The following HSPA12A variants were observed in gnomAD, a reference collection of about 807,000 sequenced individuals.
HSPA12A encodes the protein heat shock 70 kDa protein 12A.
In HSPA12A, 28 loss-of-function variants were observed where a neutral mutation model predicts 69.2. The observed-to-expected ratio is 0.40, with a 90% CI of 0.30 to 0.55. The LOEUF (loss-of-function observed/expected upper bound fraction) is 0.55. Among genes scored for constraint, HSPA12A ranks in the 20% least tolerant of loss-of-function variants. HSPA12A has a pLI of 0.38. For missense variants in HSPA12A, 686 were observed against 900.7 expected (o/e 0.76, Z 3.05); for synonymous variants, 345 against 370.5 (o/e 0.93, Z 0.79).
At chr10:116,682,459 G>C (rs570460473) in intron 7 of HSPA12A, among the ~76,000 whole-genome samples, 34 of 151,888 alleles carry the variant, frequency 2.2e-4, no homozygotes, top group East Asian at 1.8e-3. Flanking sequence ...ATAGACTGGG[G>C]GGGGGGGCCA....
At chr10:116,736,488 G>A (rs1564802078) in intron 1 of HSPA12A, among the ~76,000 whole-genome samples, 1 of 152,178 alleles carries the variant, frequency 6.6e-6, no homozygotes, top group East Asian at 1.9e-4. Context: ...TATGGGAAAA[G>A]GGAGTCAGCA....
rs1193674525 is a variant in HSPA12A at position 116,707,208 on chromosome 10, G to C, written c.118C>G (p.His40Asp). ...DTGITPLSPS[H>D]IVNDTDSNVS... ...ACACACACACTTCTTACCACAATAT[G>C]GGAGGGGGACAGAGGCGTTATTCCT... The change falls in exon 2 of 12, where the codon CAT becomes GAT. Residue 40 changes from histidine (H) to aspartate (D), a missense_variant. Coordinates refer to ENST00000369209, the MANE Select transcript of HSPA12A (RefSeq NM_025015.3). 6.2e-7 allele frequency: 1 copy of C among 1,606,034 alleles called. No individual in the cohort carries two copies. The highest frequency in any genetic ancestry group is 8.5e-7 in the Non-Finnish European group (1 of 1,175,554).
Position 116,683,774 on chromosome 10 carries a change from A to G in HSPA12A, c.835+17T>C, listed in dbSNP as rs782561774. The G allele has an allele frequency of 1.3e-6, 2 of 1,509,072 alleles. No individual in the cohort carries two copies. The highest frequency in any genetic ancestry group is 2.3e-5 in the East Asian group (1 of 43,000). The allele number at this position is 1,509,072 out of a possible 1,614,324, so 93.5% of individuals were successfully genotyped here. ...GAAGGAAGGAGAGCAGGAGGGGGAG[A>G]GAGAGAGCAGAGGTACCCTGTGTAA... On this transcript the variant is annotated intron_variant, in intron 7 of 11. Transcript: ENST00000369209.
At chr10:116,761,949 C>T (rs1665673) in intron 2 of HSPA12A, among the ~76,000 whole-genome samples, 143,052 of 152,288 alleles carry the variant, frequency 0.94, 67,823 homozygotes, top group East Asian at 1. Context: ...AGGAAAGTTT[C>T]AATTTGCTTT....
At chr10:116,690,508 G>C (rs782436633) in intron 6 of HSPA12A, among the ~76,000 whole-genome samples, 1 of 152,162 alleles carries the variant, frequency 6.6e-6, no homozygotes, top group Non-Finnish European at 1.5e-5. Flanking sequence ...GATCAAAAAC[G>C]AAGCTGCAAA....
intron 2 of HSPA12A, among the ~76,000 whole-genome samples, chr10:116,783,501 A>G (rs1464577781): frequency 3.9e-5 from 6 of 152,198 alleles, no homozygotes; most frequent in Admixed American, 3.9e-4. Context: ...GCACACGGAC[A>G]AAGAGCTACA....
At chr10:116,758,626 G>A (rs1843901741) in intron 2 of HSPA12A, among the ~76,000 whole-genome samples, 2 of 152,144 alleles carry the variant, frequency 1.3e-5, no homozygotes, top group African/African-American at 4.8e-5. Context: ...TTGTGTTTGT[G>A]TGCATGTGTA....
chr10:116,679,132 C>T (rs1330763546), intron 10 of HSPA12A, among the ~76,000 whole-genome samples: 1 of 152,208 alleles, frequency 6.6e-6, no homozygotes, highest in African/African-American at 2.4e-5. Flanking sequence ...TTATTGAGCA[C>T]CTACTGCATA....
chr10:116,786,140 G>A (rs1166370766), intron 2 of HSPA12A, among the ~76,000 whole-genome samples: 1 of 152,222 alleles, frequency 6.6e-6, no homozygotes, highest in African/African-American at 2.4e-5. Context: ...GATGGAGCGG[G>A]TTCTGCAGAA....
At chr10:116,831,212 T>G (rs1845607207) in intron 2 of HSPA12A, 1 of 152,198 alleles carries the variant, frequency 6.6e-6, no homozygotes, top group Admixed American at 6.5e-5. Context: ...TTACCACTAT[T>G]GTTGTCATTG....
At chr10:116,850,591 CAGA>C (rs1176451457), upstream of HSPA12A, among the ~76,000 whole-genome samples, 3 of 151,858 alleles carry the variant, frequency 2.0e-5, no homozygotes, top group African/African-American at 7.3e-5. Context: ...GAACACCAAG[CAGA>C]AGGAGTCCTA....
chr10:116,734,294 A>G (rs1851244764), intron 1 of HSPA12A, among the ~76,000 whole-genome samples: 1 of 151,996 alleles, frequency 6.6e-6, no homozygotes, highest in East Asian at 1.9e-4. Context: ...TACTAAAAAT[A>G]CAAAAATTAG....
At chr10:116,701,678 C>T (rs1314736394) in intron 3 of HSPA12A, among the ~76,000 whole-genome samples, 2 of 152,218 alleles carry the variant, frequency 1.3e-5, no homozygotes, top group Admixed American at 1.3e-4. Flanking sequence ...GGGAAGGATA[C>T]TCCAGGCTGC....
intron 2 of HSPA12A, among the ~76,000 whole-genome samples, chr10:116,705,821 A>AG (rs1850227131): frequency 6.6e-6 from 1 of 151,620 alleles, no homozygotes; most frequent in Admixed American, 6.6e-5. Context: ...TGTGACTGTC[A>AG]GGGCCCAGGG....
chr10:116,780,922 A>T (rs1367699262), intron 2 of HSPA12A, among the ~76,000 whole-genome samples: 1 of 152,252 alleles, frequency 6.6e-6, no homozygotes, highest in Non-Finnish European at 1.5e-5. Context: ...ATTAATGAAA[A>T]TAAGGACATA....
intron 1 of HSPA12A, among the ~76,000 whole-genome samples, chr10:116,736,465 C>G (rs1168694416): frequency 6.6e-6 from 1 of 152,150 alleles, no homozygotes; most frequent in Non-Finnish European, 1.5e-5. Context: ...GTACCGATGA[C>G]TATGTTATCT....
chr10:116,798,199 A>G (rs1844875174), intron 2 of HSPA12A, among the ~76,000 whole-genome samples: 1 of 151,438 alleles, frequency 6.6e-6, no homozygotes, highest in South Asian at 2.1e-4. Context: ...TGGGGCAGGG[A>G]GCAGGGGTGG....
At chr10:116,822,448 A>T (rs1171327567) in intron 2 of HSPA12A, among the ~76,000 whole-genome samples, 1 of 152,264 alleles carries the variant, frequency 6.6e-6, no homozygotes, top group Non-Finnish European at 1.5e-5. Context: ...GTGGGTTCAC[A>T]GAGAAAATAC....
At chr10:116,839,913 T>C (rs1412337379) in intron 1 of HSPA12A, among the ~76,000 whole-genome samples, 1 of 151,970 alleles carries the variant, frequency 6.6e-6, no homozygotes, top group Non-Finnish European at 1.5e-5. Flanking sequence ...TTAGTGCCTT[T>C]TTTTTTTTCT....
Sources: allele counts gnomAD v4.1 joint callset (sites outside exome capture counted in the v4.1 genomes callset), GRCh38; gene constraint gnomAD v4.1.1; transcripts MANE v1.5; gene names NCBI Gene and HGNC (gene_info 2026-07-23, HGNC 2026-07-21).